CASS4: variants seen among roughly 807,000 people sequenced by gnomAD.
The protein encoded by CASS4 is cas scaffolding protein family member 4.
Under a neutral mutation model 54.2 loss-of-function variants are expected in CASS4, and 22 were observed. That is an observed-to-expected ratio of 0.41 (90% CI 0.29 to 0.58). The LOEUF is 0.58. Ranked by LOEUF, CASS4 falls within the 20% of genes least tolerant of loss-of-function variation. The pLI is 0.36. For synonymous variants in CASS4, 409 were observed against 391.5 expected (o/e 1.04, Z -0.53); for missense variants, 854 against 986.7 (o/e 0.87, Z 1.80).
chr20:56,445,042 G>A (rs1227858597), intron 2 of CASS4, among the ~76,000 whole-genome samples: 1 of 151,954 alleles, frequency 6.6e-6, no homozygotes, highest in East Asian at 1.9e-4. Flanking sequence ...TCCAGGAGGC[G>A]GAGTTTGCAG....
At chr20:56,429,373 C>G (rs1012878864) in intron 1 of CASS4, among the ~76,000 whole-genome samples, 9 of 152,180 alleles carry the variant, frequency 5.9e-5, no homozygotes, top group African/African-American at 2.2e-4. Context: ...CTCCCCAAAA[C>G]TAACAAAATC....
intron 1 of CASS4, among the ~76,000 whole-genome samples, chr20:56,418,296 A>G (rs1979240995): frequency 6.6e-6 from 1 of 152,218 alleles, no homozygotes; most frequent in Admixed American, 6.5e-5. Flanking sequence ...GAAGGTATTC[A>G]GCATAGTACA....
At chr20:56,442,652 T>C (rs1980515194) in intron 2 of CASS4, among the ~76,000 whole-genome samples, 1 of 127,290 alleles carries the variant, frequency 7.9e-6, no homozygotes, top group East Asian at 2.5e-4. Flanking sequence ...TAATATAATG[T>C]GCTGGCCTAA....
chr20:56,437,719 C>T lies in CASS4; in HGVS notation c.459+133C>T. 1.2e-6 allele frequency: 1 copy of T among 818,602 alleles called. No homozygotes were observed. Among genetic ancestry groups the T allele is most frequent in the Non-Finnish European group, 1.8e-6 (1 of 551,582 alleles). 50.7% of individuals were successfully genotyped at this position (818,602 alleles called of 1,614,324 possible). A position where few individuals can be genotyped will look rare whatever the true frequency, so the allele number is the denominator to read the frequency against. ...GGAGCCCAGATTGCTGGCAATCACG[C>T]TCGGGGAGCTTGTGTGCCAGGTTGG... On this transcript the variant is annotated intron_variant, in intron 2 of 5. Transcript: ENST00000679887. This position sits in a 1 kb window ranked among gnomAD's most constrained non-coding sequence, Gnocchi z 4.7.
chr20:56,420,935 G>A (rs537464771), intron 1 of CASS4, among the ~76,000 whole-genome samples: 5 of 152,160 alleles, frequency 3.3e-5, no homozygotes, highest in South Asian at 4.1e-4. Context: ...ACAACTAAAC[G>A]AACAAACCTA....
intron 5 of CASS4, chr20:56,453,532 T>C (rs1198958653): frequency 5.9e-6 from 1 of 168,790 alleles, no homozygotes; most frequent in Non-Finnish European, 1.3e-5. Context: ...AAAGAGGAAG[T>C]AGAAACATTC....
upstream of CASS4, chr20:56,412,158 T>A (rs1978905776): frequency 2.4e-6 from 1 of 410,590 alleles, no homozygotes; most frequent in Non-Finnish European, 4.5e-6. The surrounding 1 kb of genome is among the most constrained non-coding windows in gnomAD (Gnocchi z 4.2). Context: ...TGGTTTCACA[T>A]AGCAAATGAG....
At chr20:56,421,829 TAAAAAAA>T in intron 1 of CASS4, among the ~76,000 whole-genome samples, 1 of 151,922 alleles carries the variant, frequency 6.6e-6, no homozygotes, top group South Asian at 2.1e-4. Context: ...CTTTTTTCCT[TAAAAAAA>T]GAAAAAAGGA....
At chr20:56,423,452 G>C (rs1979502118) in intron 1 of CASS4, among the ~76,000 whole-genome samples, 1 of 151,700 alleles carries the variant, frequency 6.6e-6, no homozygotes. Context: ...ATCAGGTTTT[G>C]AAACCAAAAA....
At position 56,428,346 on chromosome 20, in the gene CASS4, A is replaced by C. The variant is rs894932621; in HGVS notation, c.37-8818A>C. On this transcript the variant is annotated intron_variant, in intron 1 of 5. Transcript: ENST00000679887. ...TCAAACTGTGGGGCAGCTTAGACAT[A>C]GTCTTGACAACTCAACAGGGGCTTT... is the stretch of plus-strand genomic sequence containing the variant. Among the ~76,000 whole-genome samples the C allele has an allele frequency of 2.2e-4, 33 of 152,212 alleles. 1 individual carries two copies. The highest frequency in any genetic ancestry group is 1.5e-5 in the Non-Finnish European group (1 of 68,034).
In CASS4 at chr20:56,452,391, C is replaced by T. The variant is rs752549459; in HGVS notation, c.1215C>T (p.Ser405=). 6.2e-7 allele frequency: 1 copy of T among 1,614,000 alleles called. No individual in the cohort carries two copies. Residue 405 remains serine (S), a synonymous_variant, in exon 5 of 6, where the codon AGC becomes AGT. Transcript: ENST00000679887. ...PDRLSGSSSD[S]RASIVSSCST... ...GATTATCAGGTTCCAGTTCTGACAG[C>T]AGAGCTAGCATCGTTTCCTCGTGCT...
intron 1 of CASS4, among the ~76,000 whole-genome samples, chr20:56,426,556 C>CCCT (rs1410646513): frequency 1.3e-5 from 2 of 151,340 alleles, no homozygotes; most frequent in African/African-American, 2.4e-5. Flanking sequence ...TTTTTTTTCC[C>CCCT]CCTTCTTCTT....
At chr20:56,444,990 G>A (rs1980636901) in intron 2 of CASS4, among the ~76,000 whole-genome samples, 1 of 152,040 alleles carries the variant, frequency 6.6e-6, no homozygotes, top group Non-Finnish European at 1.5e-5. Flanking sequence ...TGTGCCTGTA[G>A]TCCCAGCTAC....
rs1981111819 is a variant in CASS4 at position 56,452,971 on chromosome 20, C to CAA, written c.1796_1797insAA (p.Leu600SerfsTer2). ...GAACTGTGAAAAGGAAGAGACTGTG[C>CAA]AGTTGACCCCAAATGCAGAATTTAA... On this transcript the variant is annotated frameshift_variant, in exon 5 of 6. Coordinates refer to ENST00000679887, the MANE Select transcript of CASS4 (RefSeq NM_020356.4). LOFTEE classifies it high-confidence loss of function. The CAA allele has an allele frequency of 6.2e-7, 1 of 1,614,064 alleles. No individual in the cohort carries two copies. Among genetic ancestry groups the CAA allele is most frequent in the East Asian group, 2.2e-5 (1 of 44,870 alleles).
chr20:56,448,576 C>T (rs78812829), intron 3 of CASS4, among the ~76,000 whole-genome samples: 3,146 of 152,196 alleles, frequency 0.021, 119 homozygotes, highest in African/African-American at 0.073. Flanking sequence ...ACCCCCGCTA[C>T]ACCGCACCCC....
chr20:56,452,142 T>C lies in CASS4; in HGVS notation c.966T>C (p.Pro322=). ...TTCTTGTACCCAGAGGCACATTTCC[T>C]TTGGATGAAGATGTCAGCTACAAGG... ...YGFLVPRGTF[P]LDEDVSYKVP... Residue 322 remains proline (P), a synonymous_variant, in exon 5 of 6, where the codon CCT becomes CCC. Coordinates refer to ENST00000679887, the MANE Select transcript of CASS4 (RefSeq NM_020356.4). The C allele has an allele frequency of 6.2e-7, 1 of 1,614,204 alleles. No homozygotes were observed. The highest frequency in any genetic ancestry group is 8.5e-7 in the Non-Finnish European group (1 of 1,180,046).
chr20:56,445,984 G>A lies in CASS4; in HGVS notation c.544G>A (p.Gly182Ser). The stretch of plus-strand genomic sequence containing the variant: ...GTATGACGTGCCTACCCAGCACCGG[G>A]GCCCCGTGGTCCTGAAGGTGAGCCT... Reference protein sequence around the residue: ...QVYDVPTQHRGPVVLKEPEKQ... With the variant: ...QVYDVPTQHRSPVVLKEPEKQ... Residue 182 changes from glycine (G) to serine (S), a missense_variant, in exon 3 of 6, where the codon GGC becomes AGC. Physicochemically the swap from Gly to Ser is moderately conservative, Grantham distance 56 (BLOSUM62 0). Coordinates refer to ENST00000679887, the MANE Select transcript of CASS4 (RefSeq NM_020356.4). 1 of 1,613,682 alleles carries A rather than the reference G, an allele frequency of 6.2e-7. No homozygotes were observed. Among genetic ancestry groups the A allele is most frequent in the Non-Finnish European group, 8.5e-7 (1 of 1,179,946 alleles).
intron 3 of CASS4, among the ~76,000 whole-genome samples, chr20:56,448,451 CCCA>C (rs1980832830): frequency 6.6e-6 from 1 of 152,166 alleles, no homozygotes; most frequent in South Asian, 2.1e-4. Context: ...TTTCAACTTT[CCCA>C]AGCCAGAGTC....
rs753507599 is a variant in CASS4, at chr20:56,445,989, C to G, written c.549C>G (p.Pro183=). 5.0e-6 allele frequency: 8 copies of G among 1,613,244 alleles called. No individual in the cohort carries two copies. The African/African-American group carries it at 1.1e-4, about 22-fold the overall frequency. Residue 183 remains proline (P), a synonymous_variant, in exon 3 of 6, where the codon CCC becomes CCG. Transcript: ENST00000679887. Reference sequence around the variant, plus strand: ...ACGTGCCTACCCAGCACCGGGGCCCCGTGGTCCTGAAGGTGAGCCTTGTTC... The same window carrying G: ...ACGTGCCTACCCAGCACCGGGGCCCGGTGGTCCTGAAGGTGAGCCTTGTTC... The part of the protein sequence containing the change: ...VYDVPTQHRG[P]VVLKEPEKQQ...
Sources: gnomAD v4.1 joint callset for allele counts (sites outside exome capture counted in the v4.1 genomes callset) on GRCh38, gnomAD v4.1.1 for gene constraint, Gnocchi (gnomAD v3.1) non-coding constraint, MANE v1.5 for transcripts, NCBI Gene and HGNC (gene_info 2026-07-23, HGNC 2026-07-21) for gene names.